The following KCNQ3 variants were observed in gnomAD, a reference collection of about 807,000 sequenced individuals.
The protein encoded by KCNQ3 is potassium voltage-gated channel subfamily KQT member 3.
In KCNQ3, 30 loss-of-function variants were observed where a neutral mutation model predicts 92.5. That is an observed-to-expected ratio of 0.32 (90% CI 0.24 to 0.44). The LOEUF (loss-of-function observed/expected upper bound fraction) is 0.44. Ranked by LOEUF, KCNQ3 falls within the 20% of genes least tolerant of loss-of-function variation. KCNQ3 has a pLI of 1.00. For synonymous variants in KCNQ3, 450 were observed against 468.8 expected (o/e 0.96, Z 0.52); for missense variants, 913 against 1,140.3 (o/e 0.80, Z 2.87).
chr8:132,150,174 G>A (rs1812209430), intron 9 of KCNQ3, among the ~76,000 whole-genome samples: 1 of 152,080 alleles, frequency 6.6e-6, no homozygotes. Flanking sequence ...GTATTTGTGA[G>A]GTTAGTCTTA....
chr8:132,431,254 G>A (rs754622009), intron 1 of KCNQ3, among the ~76,000 whole-genome samples: 5 of 152,116 alleles, frequency 3.3e-5, no homozygotes, highest in Non-Finnish European at 5.9e-5. Context: ...GTCACTAGCC[G>A]GGGAGAGGAT....
chr8:132,154,194 T>TTTTTTTTTTTTTTTTTTTTTTG (rs1825728730), intron 9 of KCNQ3, among the ~76,000 whole-genome samples: 1 of 16,336 alleles, frequency 6.1e-5, no homozygotes, highest in Non-Finnish European at 1.2e-4. Flanking sequence ...AGGGTAAAAG[T>TTTTTTTTTTTTTTTTTTTTTTG]TTTTTTTTTT....
At chr8:132,381,476 CTAGGGAATTCTAGGGCTTCTG>C (rs1338873910) in intron 1 of KCNQ3, among the ~76,000 whole-genome samples, 2 of 152,156 alleles carry the variant, frequency 1.3e-5, no homozygotes, top group Non-Finnish European at 2.9e-5. Context: ...TTCTAGGATT[CTAGGGAATTCTAGGGCTTCTG>C]TAGGGAATTC....
At chr8:132,448,445 C>T (rs539578577) in intron 1 of KCNQ3, among the ~76,000 whole-genome samples, 1 of 142,840 alleles carries the variant, frequency 7.0e-6, no homozygotes, top group South Asian at 2.2e-4. Flanking sequence ...GCGTAGGTCT[C>T]TCCAGGGCTT....
chr8:132,187,197 C>G (rs778818750), intron 1 of KCNQ3: 3 of 455,860 alleles, frequency 6.6e-6, no homozygotes, highest in African/African-American at 2.0e-5. Context: ...TAGGTTCTAC[C>G]CATGCTTTTT....
chr8:132,425,252 C>T lies in KCNQ3; in HGVS notation c.386+54895G>A, dbSNP rs572064267. On this transcript the variant is annotated intron_variant, in intron 1 of 14. Transcript: ENST00000388996. ...GAGAAGAGCTGCTATTTATAGAAGG[C>T]GTAGTGGGTAACAGGCAAGCTGCTA... Among the ~76,000 whole-genome samples, 94 of 152,284 alleles carry T rather than the reference C, an allele frequency of 6.2e-4. 1 individual carries two copies. Among genetic ancestry groups the T allele is most frequent in the African/African-American group, 2.2e-3 (91 of 41,560 alleles).
At chr8:132,242,300 G>A (rs1385476888) in intron 1 of KCNQ3, among the ~76,000 whole-genome samples, 1 of 152,158 alleles carries the variant, frequency 6.6e-6, no homozygotes, top group Non-Finnish European at 1.5e-5. Context: ...GAGGTGGGGT[G>A]GGTAGAAGGC....
rs1295758499 is a variant in KCNQ3 at position 132,125,067 on chromosome 8, A to T, written c.*4195T>A. 6.6e-6 allele frequency: 1 copy of T among 152,180 alleles called. No individual in the cohort carries two copies. Among genetic ancestry groups the T allele is most frequent in the Non-Finnish European group, 1.5e-5 (1 of 68,038 alleles). 9.4% of individuals were successfully genotyped at this position (152,180 alleles called of 1,614,324 possible). ...TGGTCAACATAATGAAATGAAAGTA[A>T]CTCAGCTCCTTGACTGGTATCAATC... On this transcript the variant is annotated 3_prime_UTR_variant, in exon 15 of 15. Coordinates refer to ENST00000388996, the MANE Select transcript of KCNQ3 (RefSeq NM_004519.4).
intron 14 of KCNQ3, among the ~76,000 whole-genome samples, chr8:132,130,330 GC>G (rs1357765426): frequency 1.3e-5 from 2 of 152,152 alleles, no homozygotes; most frequent in Non-Finnish European, 2.9e-5. Context: ...ACCTGCCTTG[GC>G]CTCCCAAAAT....
rs576892437 is a variant in KCNQ3 at position 132,227,353 on chromosome 8, C to A, written c.387-41172G>T. On this transcript the variant is annotated intron_variant, in intron 1 of 14. Coordinates refer to ENST00000388996, the MANE Select transcript of KCNQ3 (RefSeq NM_004519.4). ...GAGATTACAGGCGTGAGCCACCACA[C>A]CCGGCCCCACTGGTGTCTTTATAAG... Among the ~76,000 whole-genome samples, 14 of 152,224 alleles carry A rather than the reference C, an allele frequency of 9.2e-5. No homozygotes were observed. In the East Asian group the frequency reaches 2.5e-3, roughly 27 times the overall value.
At chr8:132,308,687 A>C (rs1056109462) in intron 1 of KCNQ3, among the ~76,000 whole-genome samples, 5 of 152,202 alleles carry the variant, frequency 3.3e-5, no homozygotes, top group Non-Finnish European at 7.3e-5. Context: ...AAGCGCTGAC[A>C]CTGGGGCAGC....
chr8:132,461,253 C>A (rs1230575914), intron 1 of KCNQ3, among the ~76,000 whole-genome samples: 1 of 152,150 alleles, frequency 6.6e-6, no homozygotes, highest in Non-Finnish European at 1.5e-5. Context: ...AGCACAACTG[C>A]TGGACACTAT....
chr8:132,172,045 C>T (rs552324921), intron 7 of KCNQ3, among the ~76,000 whole-genome samples: 36 of 151,738 alleles, frequency 2.4e-4, no homozygotes, highest in Admixed American at 3.9e-4. Flanking sequence ...CATGGTGGTA[C>T]GTGTGGTGGT....
intron 1 of KCNQ3, among the ~76,000 whole-genome samples, chr8:132,277,495 G>A (rs1816371748): frequency 6.6e-6 from 1 of 152,200 alleles, no homozygotes; most frequent in African/African-American, 2.4e-5. Context: ...GAACTGCAAG[G>A]ATGCCAAATC....
chr8:132,455,282 T>C (rs946614886), intron 1 of KCNQ3, among the ~76,000 whole-genome samples: 6 of 152,192 alleles, frequency 3.9e-5, no homozygotes, highest in Non-Finnish European at 8.8e-5. Context: ...AATATTTGTA[T>C]ACTTAGTAGA....
At chr8:132,452,161 T>C (rs1821835168) in intron 1 of KCNQ3, among the ~76,000 whole-genome samples, 1 of 152,220 alleles carries the variant, frequency 6.6e-6, no homozygotes, top group Non-Finnish European at 1.5e-5. Flanking sequence ...ATTCGCATCG[T>C]TGTGCAACCA....
At chr8:132,433,112 G>C (rs186101984) in intron 1 of KCNQ3, among the ~76,000 whole-genome samples, 2 of 152,308 alleles carry the variant, frequency 1.3e-5, no homozygotes, top group Non-Finnish European at 2.9e-5. Context: ...GAGAATTGGA[G>C]GAGGCCTCCT....
chr8:132,394,148 G>C (rs1317328158), intron 1 of KCNQ3, among the ~76,000 whole-genome samples: 1 of 152,218 alleles, frequency 6.6e-6, no homozygotes, highest in African/African-American at 2.4e-5. Flanking sequence ...GGCAAGAAGC[G>C]CAAGTACTCT....
chr8:132,268,536 G>A (rs1816059179), intron 1 of KCNQ3, among the ~76,000 whole-genome samples: 1 of 152,204 alleles, frequency 6.6e-6, no homozygotes, highest in African/African-American at 2.4e-5. Flanking sequence ...TGGGATTACA[G>A]GCATGAGCCA....
Sources: allele counts gnomAD v4.1 joint callset (sites outside exome capture counted in the v4.1 genomes callset), GRCh38; gene constraint gnomAD v4.1.1; transcripts MANE v1.5; gene names NCBI Gene and HGNC (gene_info 2026-07-23, HGNC 2026-07-21).